The following ZNF536 variants were observed in gnomAD, a reference collection of about 807,000 sequenced individuals.
The protein encoded by ZNF536 is zinc finger protein 536.
Under a neutral mutation model 84.5 loss-of-function variants are expected in ZNF536, and 13 were observed. The observed-to-expected ratio is 0.15, with a 90% CI of 0.10 to 0.24. The LOEUF (loss-of-function observed/expected upper bound fraction) is 0.24, where lower values mean the gene tolerates loss of function less well. Among genes scored for constraint, ZNF536 ranks in the 10% least tolerant of loss-of-function variants. The pLI is 1.00. For missense variants in ZNF536, 1,536 were observed against 1,747.5 expected, an observed-to-expected ratio of 0.88 and a Z score of 2.16; for synonymous variants, 811 against 742.5, an observed-to-expected ratio of 1.09 and a Z score of -1.50.
chr19:30,627,078 C>T (rs2048707939), intron 1 of ZNF536, among the ~76,000 whole-genome samples: 1 of 152,046 alleles, frequency 6.6e-6, no homozygotes, highest in African/African-American at 2.4e-5. Flanking sequence ...CCTTCCTGAG[C>T]CTGGAAGCTG....
intron 1 of ZNF536, among the ~76,000 whole-genome samples, chr19:30,701,462 C>G (rs1048101462): frequency 6.6e-6 from 1 of 151,964 alleles, no homozygotes; most frequent in Admixed American, 6.6e-5. Context: ...AACACAAACA[C>G]ACAAACACAC....
chr19:30,587,244 T>G (rs188426665), intron 1 of ZNF536, among the ~76,000 whole-genome samples: 16 of 152,336 alleles, frequency 1.1e-4, no homozygotes, highest in African/African-American at 2.9e-4. Flanking sequence ...GATAGCAGGA[T>G]CTCAGCAGAG....
At chr19:30,538,080 A>C (rs2045166601) in intron 3 of ZNF536, among the ~76,000 whole-genome samples, 1 of 152,170 alleles carries the variant, frequency 6.6e-6, no homozygotes, top group African/African-American at 2.4e-5. Context: ...TAAAAATCAC[A>C]ATCAACGTAT....
chr19:30,322,175 G>A (rs1429258393), intron 2 of ZNF536, among the ~76,000 whole-genome samples: 2 of 152,062 alleles, frequency 1.3e-5, no homozygotes, highest in Admixed American at 1.3e-4. Context: ...TTTGTATTTT[G>A]CCAAATTCCC....
At chr19:30,423,129 C>CCATG (rs1555754152) in intron 1 of ZNF536, among the ~76,000 whole-genome samples, 2 of 108,496 alleles carry the variant, frequency 1.8e-5, no homozygotes, top group African/African-American at 3.5e-5. Flanking sequence ...ATGCATCCAT[C>CCATG]CATCCATCCA....
At chr19:30,706,764 A>G (rs2052251679) in intron 1 of ZNF536, among the ~76,000 whole-genome samples, 1 of 152,220 alleles carries the variant, frequency 6.6e-6, no homozygotes, top group East Asian at 1.9e-4. Flanking sequence ...ATTGCCATAT[A>G]ATGAATAAAT....
intron 2 of ZNF536, among the ~76,000 whole-genome samples, chr19:30,458,140 C>T (rs2052943860): frequency 6.6e-6 from 1 of 152,178 alleles, no homozygotes; most frequent in Admixed American, 6.5e-5. Flanking sequence ...GGAGCCGGGC[C>T]CCACACACAT....
At chr19:30,588,296 C>G (rs890350120) in intron 1 of ZNF536, among the ~76,000 whole-genome samples, 3 of 152,174 alleles carry the variant, frequency 2.0e-5, no homozygotes, top group African/African-American at 7.2e-5. Flanking sequence ...GCCCTGAGCC[C>G]AGAGTCTCTT....
intron 1 of ZNF536, among the ~76,000 whole-genome samples, chr19:30,598,957 C>T (rs1387012959): frequency 2.5e-5 from 2 of 79,490 alleles, no homozygotes; most frequent in Admixed American, 1.2e-4. Context: ...TTCTTCCTTC[C>T]TTCCTCCTTC....
intron 2 of ZNF536, among the ~76,000 whole-genome samples, chr19:30,446,836 CA>C (rs201271157): frequency 0.035 from 5,124 of 146,444 alleles, 130 homozygotes; most frequent in Non-Finnish European, 0.054. Flanking sequence ...ACAACAACAA[CA>C]ACAAAACACG....
At chr19:30,691,341 C>T (rs994053411) in intron 1 of ZNF536, among the ~76,000 whole-genome samples, 1 of 152,092 alleles carries the variant, frequency 6.6e-6, no homozygotes, top group Non-Finnish European at 1.5e-5. Context: ...AGCCCGTCCC[C>T]GCTCGGATCC....
intron 3 of ZNF536, among the ~76,000 whole-genome samples, chr19:30,367,053 A>T (rs1049580530): frequency 6.6e-6 from 1 of 152,236 alleles, no homozygotes; most frequent in Non-Finnish European, 1.5e-5. Context: ...AAAATGCAAT[A>T]AAAGGATGAC....
At chr19:30,251,272 C>A (rs911136873) in intron 1 of ZNF536, among the ~76,000 whole-genome samples, 3 of 152,140 alleles carry the variant, frequency 2.0e-5, no homozygotes, top group Non-Finnish European at 4.4e-5. Context: ...TTGGGCCACC[C>A]ATCTAGTAGA....
At chr19:30,303,505 A>G (rs578202748) in intron 2 of ZNF536, among the ~76,000 whole-genome samples, 2 of 128,052 alleles carry the variant, frequency 1.6e-5, no homozygotes, top group South Asian at 5.0e-4. Context: ...GCTTTTTGAC[A>G]CTTTTTTTTT....
intron 3 of ZNF536, among the ~76,000 whole-genome samples, chr19:30,544,675 T>C (rs147787651): frequency 9.7e-4 from 148 of 152,342 alleles, no homozygotes; most frequent in African/African-American, 3.3e-3. Context: ...TTCAGGTGTT[T>C]ATTCATTCAT....
At chr19:30,611,847 G>A (rs528511871) in intron 1 of ZNF536, among the ~76,000 whole-genome samples, 2 of 152,284 alleles carry the variant, frequency 1.3e-5, no homozygotes, top group South Asian at 2.1e-4. Context: ...TGGAACACTC[G>A]TGTCAATATC....
chr19:30,264,393 CTCTG>C (rs61649875), intron 1 of ZNF536, among the ~76,000 whole-genome samples: 17,430 of 105,088 alleles, frequency 0.17, 1,331 homozygotes, highest in East Asian at 0.36. Flanking sequence ...GCAGTTGTGC[CTCTG>C]TGTGTGTGTG....
At chr19:30,550,380 T>C (rs542686964) in intron 4 of ZNF536, among the ~76,000 whole-genome samples, 1 of 152,324 alleles carries the variant, frequency 6.6e-6, no homozygotes, top group African/African-American at 2.4e-5. Flanking sequence ...ATCAAAGTCA[T>C]TGTCTTGGCA....
In ZNF536 at chr19:30,432,290, G is replaced by T. The variant is rs530622402; in HGVS notation, c.-2-11271G>T. 1.0e-3 allele frequency among the ~76,000 whole-genome samples: 159 copies of T among 152,230 alleles called. 1 individual carries two copies. The highest frequency in any genetic ancestry group is 6.5e-4 in the Non-Finnish European group (44 of 68,030). The stretch of plus-strand genomic sequence containing the variant: ...ACGTCCCCTCTCCGGCATGGTGACT[G>T]ATCATAAGCTTAGAGGACCAGGGGG... On this transcript the variant is annotated intron_variant, in intron 1 of 4. Transcript: ENST00000355537.
Sources: allele counts gnomAD v4.1 joint callset (sites outside exome capture counted in the v4.1 genomes callset), GRCh38; gene constraint gnomAD v4.1.1; transcripts MANE v1.5; gene names NCBI Gene and HGNC (gene_info 2026-07-23, HGNC 2026-07-21).